Variants in PLAAT4 observed in about 807,000 individuals in gnomAD.
PLAAT4 encodes the protein phospholipase A and acyltransferase 4.
PLAAT4 carries 12 observed loss-of-function variants against 14.1 expected under a neutral mutation model. The observed-to-expected ratio is 0.85, with a 90% confidence interval of 0.54 to 1.37. The LOEUF (loss-of-function observed/expected upper bound fraction) is 1.37. Ranked by LOEUF, PLAAT4 falls within the 40% of genes most tolerant of loss-of-function variation. PLAAT4 has a pLI of 0.00. For synonymous variants in PLAAT4, 77 were observed against 79.8 expected, an observed-to-expected ratio of 0.96 and a Z score of 0.19; for missense variants, 163 against 211.7, an observed-to-expected ratio of 0.77 and a Z score of 1.43.
rs373046102 is a variant in PLAAT4, at chr11:63,539,191, C to T, written c.10-325C>T. 1.3e-4 allele frequency among the ~76,000 whole-genome samples: 20 copies of T among 152,250 alleles called. No individual in the cohort carries two copies. The East Asian group carries it at 3.9e-3, about 29-fold the overall frequency. On this transcript the variant is annotated intron_variant, in intron 1 of 3. Transcript: ENST00000255688. ...TGCTGGTTCATGCAGGCTCTTGAGT[C>T]GGCCTACTGAGGAGCATGTGTACAA...
rs747705604 is a variant in PLAAT4, at chr11:63,544,860, C to A, written c.358C>A (p.Leu120Met). 3.1e-6 allele frequency: 5 copies of A among 1,614,230 alleles called. No homozygotes were observed. The highest frequency in any genetic ancestry group is 4.2e-6 in the Non-Finnish European group (5 of 1,180,050). ...SRNCEHFVTQ[L>M]RYGKSRCKQV... is the part of the protein sequence containing the mutation. ...GAACTGTGAGCACTTTGTCACCCAG[C>A]TGAGATATGGCAAGTCCCGCTGTAA... The change falls in exon 3 of 4, where the codon CTG becomes ATG. Residue 120 changes from leucine (L) to methionine (M), a missense_variant. Coordinates refer to ENST00000255688, the MANE Select transcript of PLAAT4 (RefSeq NM_004585.5).
rs745366370 is a variant in PLAAT4, at chr11:63,544,717, G to A, written c.215G>A (p.Cys72Tyr). 1.2e-6 allele frequency: 2 copies of A among 1,614,106 alleles called. No individual in the cohort carries two copies. Among genetic ancestry groups the A allele is most frequent in the African/African-American group, 2.7e-5 (2 of 74,940 alleles). Residue 72 changes from cysteine to tyrosine, a missense_variant, in exon 3 of 4, where the codon TGT (cysteine) becomes TAT (tyrosine). Physicochemically the swap from Cys to Tyr is radical, Grantham distance 194. Coordinates refer to ENST00000255688, the MANE Select transcript of PLAAT4 (RefSeq NM_004585.5). ...CGCCTGGAAGATGTGGTGGGAGGCTGTTGCTATCGGGTCAACAACAGCTTG... is the reference window on the plus strand; with the variant it reads ...CGCCTGGAAGATGTGGTGGGAGGCTATTGCTATCGGGTCAACAACAGCTTG... ...RERLEDVVGG[C>Y]CYRVNNSLDH...
At chr11:63,541,480 G>A (rs747355019) in intron 2 of PLAAT4, among the ~76,000 whole-genome samples, 7 of 151,168 alleles carry the variant, frequency 4.6e-5, no homozygotes, top group Admixed American at 1.3e-4. Flanking sequence ...ATGAGCCACC[G>A]CGCTCAGCCG....
At chr11:63,539,679 G>A (rs1590663276) in intron 2 of PLAAT4, 55 bp downstream of exon 2, 1 of 1,402,470 alleles carries the variant, frequency 7.1e-7, no homozygotes, top group East Asian at 2.4e-5. Flanking sequence ...GATAATGAGA[G>A]GGCCGGGCAC....
intron 1 of PLAAT4, among the ~76,000 whole-genome samples, chr11:63,537,892 A>G (rs1172980842): frequency 1.3e-5 from 2 of 152,148 alleles, no homozygotes; most frequent in Non-Finnish European, 2.9e-5. Context: ...TGGAGCTCAC[A>G]GCCCAGAGGG....
At chr11:63,541,202 T>TTC (rs921896229) in intron 2 of PLAAT4, among the ~76,000 whole-genome samples, 1 of 151,858 alleles carries the variant, frequency 6.6e-6, no homozygotes, top group Non-Finnish European at 1.5e-5. Flanking sequence ...AGGCTTTTTT[T>TTC]TTTTTTTTAA....
In PLAAT4 at chr11:63,544,718, T is replaced by C; in HGVS notation, c.216T>C (p.Cys72=). ...GCCTGGAAGATGTGGTGGGAGGCTGTTGCTATCGGGTCAACAACAGCTTGG... is the reference window on the plus strand; with the variant it reads ...GCCTGGAAGATGTGGTGGGAGGCTGCTGCTATCGGGTCAACAACAGCTTGG... ...RERLEDVVGG[C]CYRVNNSLDH... is the part of the protein sequence containing the mutation. Residue 72 remains cysteine, a synonymous_variant, in exon 3 of 4, where the codon TGT becomes TGC. Coordinates refer to ENST00000255688, the MANE Select transcript of PLAAT4 (RefSeq NM_004585.5). 6.2e-7 allele frequency: 1 copy of C among 1,614,194 alleles called. No homozygotes were observed. Among genetic ancestry groups the C allele is most frequent in the South Asian group, 1.1e-5 (1 of 91,080 alleles).
intron 2 of PLAAT4, 35 bp from the exon 3 acceptor site, chr11:63,544,586 C>G: frequency 6.3e-7 from 1 of 1,592,042 alleles, no homozygotes; most frequent in Non-Finnish European, 8.6e-7. Flanking sequence ...CCCTACTTCA[C>G]CTTCCCCTGC....
intron 2 of PLAAT4, among the ~76,000 whole-genome samples, chr11:63,544,290 C>T (rs930452530): frequency 6.6e-6 from 1 of 152,090 alleles, no homozygotes; most frequent in Admixed American, 6.5e-5. Flanking sequence ...CTTGAACGAA[C>T]ATTCACACCT....
intron 2 of PLAAT4, 138 bp downstream of exon 2, chr11:63,539,762 G>T (rs933825491): frequency 4.6e-5 from 24 of 521,462 alleles, no homozygotes; most frequent in Non-Finnish European, 6.6e-5. Context: ...AGGAGTTCAA[G>T]ACCAGACTGA....
At chr11:63,539,256 C>G (rs2017300966) in intron 1 of PLAAT4, among the ~76,000 whole-genome samples, 1 of 152,340 alleles carries the variant, frequency 6.6e-6, no homozygotes, top group East Asian at 1.9e-4. Flanking sequence ...AGCATGCACA[C>G]ACACAGCACA....
At chr11:63,537,920 G>A (rs2017286063) in intron 1 of PLAAT4, among the ~76,000 whole-genome samples, 1 of 152,188 alleles carries the variant, frequency 6.6e-6, no homozygotes, top group Non-Finnish European at 1.5e-5. Context: ...GAGGCACAGG[G>A]AATTGCAGCT....
chr11:63,537,389 G>A (rs2017279346), intron 1 of PLAAT4, among the ~76,000 whole-genome samples: 1 of 152,086 alleles, frequency 6.6e-6, no homozygotes, highest in African/African-American at 2.4e-5. Context: ...CAGCCCAGAT[G>A]TACCGATTGG....
rs1305319407 is a variant in PLAAT4 at position 63,544,595 on chromosome 11, G to A, written c.119-26G>A. The A allele has an allele frequency of 3.1e-6, 5 of 1,599,228 alleles. No individual in the cohort carries two copies. The Admixed American group carries it at 6.7e-5, about 21-fold the overall frequency. ...TTCTCTCCCTACTTCACCTTCCCCT[G>A]CCAGTGAGAGTGCCTCTGATTGCAG... On this transcript the variant is annotated intron_variant, in intron 2 of 3. Coordinates refer to ENST00000255688, the MANE Select transcript of PLAAT4 (RefSeq NM_004585.5).
In PLAAT4 at chr11:63,536,814, G is replaced by T; in HGVS notation, c.-55G>T. 1 of 1,591,528 alleles carries T rather than the reference G, an allele frequency of 6.3e-7. No homozygotes were observed. The highest frequency in any genetic ancestry group is 8.5e-7 in the Non-Finnish European group (1 of 1,171,542). On this transcript the variant is annotated 5_prime_UTR_variant, in exon 1 of 4. Transcript: ENST00000255688. ...AGTGAAAGTGAAATTCTCTCCTTCA[G>T]CATAAAAGCTGATCCACAAACAAGA...
intron 1 of PLAAT4, among the ~76,000 whole-genome samples, chr11:63,539,251 G>A (rs1039010870): frequency 4.6e-5 from 7 of 152,110 alleles, no homozygotes; most frequent in African/African-American, 1.4e-4. Context: ...TCCTCAGCAT[G>A]CACACACACA....
intron 3 of PLAAT4, among the ~76,000 whole-genome samples, chr11:63,545,619 G>C (rs1302617142): frequency 6.6e-6 from 1 of 152,128 alleles, no homozygotes; most frequent in Non-Finnish European, 1.5e-5. Flanking sequence ...CTGAAGTACA[G>C]CTGGAGATGG....
chr11:63,543,506 T>C (rs1249742455), intron 2 of PLAAT4, among the ~76,000 whole-genome samples: 1 of 152,250 alleles, frequency 6.6e-6, no homozygotes, highest in Non-Finnish European at 1.5e-5. Flanking sequence ...GGTCTCGCCA[T>C]GTTGTCCAGG....
intron 2 of PLAAT4, 50 bp downstream of exon 2, chr11:63,539,674 T>C: frequency 1.4e-6 from 2 of 1,452,282 alleles, no homozygotes; most frequent in Non-Finnish European, 1.9e-6. Flanking sequence ...AAAAGGATAA[T>C]GAGAGGGCCG....
Sources: allele counts gnomAD v4.1 joint callset (sites outside exome capture counted in the v4.1 genomes callset), GRCh38; gene constraint gnomAD v4.1.1; transcripts MANE v1.5; gene names NCBI Gene and HGNC (gene_info 2026-07-23, HGNC 2026-07-21).